Variants in ITIH5 observed in about 807,000 individuals in gnomAD.
The protein encoded by ITIH5 is inter-alpha-trypsin inhibitor heavy chain H5.
A neutral mutation model predicts 77.5 loss-of-function variants in ITIH5; 65 were observed. The observed-to-expected ratio is 0.84, with a 90% confidence interval of 0.69 to 1.03. The LOEUF (loss-of-function observed/expected upper bound fraction) is 1.03. Among genes scored for constraint, ITIH5 ranks in the 50% least tolerant of loss-of-function variants. The pLI is 0.00. For missense variants in ITIH5, 1,208 were observed against 1,213.1 expected, an observed-to-expected ratio of 1.00 and a Z score of 0.06; for synonymous variants, 525 against 494.3, an observed-to-expected ratio of 1.06 and a Z score of -0.82.
At chr10:7,658,626 T>C (rs1331044988) in intron 1 of ITIH5, among the ~76,000 whole-genome samples, 1 of 152,174 alleles carries the variant, frequency 6.6e-6, no homozygotes, top group African/African-American at 2.4e-5. Flanking sequence ...ATGTAAGACA[T>C]ACATTGGTTC....
At chr10:7,624,592 C>A (rs1433273810) in intron 5 of ITIH5, among the ~76,000 whole-genome samples, 1 of 151,144 alleles carries the variant, frequency 6.6e-6, no homozygotes, top group African/African-American at 2.4e-5. Flanking sequence ...CCAAGGGGGG[C>A]AGATCACCTG....
chr10:7,654,633 CCTT>C (rs1322483778), intron 2 of ITIH5, among the ~76,000 whole-genome samples: 1 of 152,240 alleles, frequency 6.6e-6, no homozygotes, highest in Non-Finnish European at 1.5e-5. Flanking sequence ...ATGTCTATCA[CCTT>C]CTGGGAACCA....
At position 7,576,634 on chromosome 10, in the gene ITIH5, C is replaced by T; in HGVS notation, c.1797G>A (p.Glu599=). The change falls in exon 10 of 14, where the codon GAG becomes GAA. Residue 599 remains glutamate (E), a synonymous_variant. Transcript: ENST00000397146. ...GGGCCTGGGCCCGCTGCCGCAGCCG[C>T]TCCTTCTCCGGTTCATCGTCACTTT... ...WLQSDDEPEK[E]RLRQRAQALA... 1.2e-6 allele frequency: 2 copies of T among 1,614,220 alleles called. No homozygotes were observed. The highest frequency in any genetic ancestry group is 1.7e-6 in the Non-Finnish European group (2 of 1,180,046).
At chr10:7,563,742 G>A (rs1832085579) in intron 13 of ITIH5, among the ~76,000 whole-genome samples, 1 of 152,230 alleles carries the variant, frequency 6.6e-6, no homozygotes, top group South Asian at 2.1e-4. Flanking sequence ...CCCAGTCACA[G>A]GCCCGCCTCC....
Position 7,657,032 on chromosome 10 carries a change from G to A in ITIH5, c.91-1357C>T, listed in dbSNP as rs555439837. Among the ~76,000 whole-genome samples the A allele has an allele frequency of 6.6e-5, 9 of 136,894 alleles. No homozygotes were observed. The East Asian group carries it at 2.0e-3, about 30-fold the overall frequency. The allele number at this position is 136,894 out of a possible 152,430, so 89.8% of individuals were successfully genotyped here. A position where few individuals can be genotyped will look rare whatever the true frequency, so the allele number is the denominator to read the frequency against. ...GCTGGGATTACAGGCGTGAGCCACC[G>A]CGTTCGGCCTTTTTTTTTTTTTTTT... On this transcript the variant is annotated intron_variant, in intron 1 of 13. Transcript: ENST00000397146.
At chr10:7,619,910 C>T (rs540450584) in intron 5 of ITIH5, 3 of 152,878 alleles carry the variant, frequency 2.0e-5, no homozygotes, top group African/African-American at 7.2e-5. Flanking sequence ...GGCCCGGTGG[C>T]TCACGCCTGT....
In ITIH5 at chr10:7,617,118, T is replaced by G. The variant is rs1340382699; in HGVS notation, c.817A>C (p.Ile273Leu). ...AGCAACGACGATCCTATTACCTGGA[T>G]GTCCCCAATGCTCTGTTCTCTATTG... ...DVNREQSIGD[I>L]QVLNGYFVHY... Residue 273 changes from isoleucine (I) to leucine (L), a missense_variant, in exon 6 of 14, where the codon ATC (isoleucine) becomes CTC (leucine). By Grantham distance (5) the Ile-to-Leu change is conservative. Coordinates refer to ENST00000397146, the MANE Select transcript of ITIH5 (RefSeq NM_030569.7). 6.5e-7 allele frequency: 1 copy of G among 1,540,126 alleles called. No individual in the cohort carries two copies. Among genetic ancestry groups the G allele is most frequent in the African/African-American group, 1.4e-5 (1 of 71,026 alleles).
chr10:7,609,765 G>A (rs1833204217), intron 7 of ITIH5, among the ~76,000 whole-genome samples: 1 of 152,174 alleles, frequency 6.6e-6, no homozygotes, highest in Admixed American at 6.5e-5. Flanking sequence ...CAGGTTTGAA[G>A]ACCATTAAAG....
chr10:7,653,015 G>A (rs1014617084), intron 2 of ITIH5, among the ~76,000 whole-genome samples: 1 of 152,082 alleles, frequency 6.6e-6, no homozygotes, highest in African/African-American at 2.4e-5. Context: ...TTCCAAATTC[G>A]TACATAGGCA....
intron 7 of ITIH5, among the ~76,000 whole-genome samples, chr10:7,604,720 C>A (rs187813817): frequency 4.1e-4 from 62 of 152,320 alleles, no homozygotes; most frequent in African/African-American, 1.5e-3. Flanking sequence ...CTTCAAGAAC[C>A]AGTTCCTTTT....
chr10:7,661,589 G>A (rs548732505), intron 1 of ITIH5, among the ~76,000 whole-genome samples: 8 of 152,294 alleles, frequency 5.3e-5, no homozygotes, highest in African/African-American at 1.7e-4. Flanking sequence ...TAATGTTGCT[G>A]CAAGTTTGTT....
At chr10:7,569,603 A>G (rs1832255988) in intron 12 of ITIH5, 65 bp downstream of exon 12, 1 of 1,008,576 alleles carries the variant, frequency 9.9e-7, no homozygotes, top group Admixed American at 2.4e-5. Context: ...CCATCTGAAG[A>G]ACAGAGGGGG....
At chr10:7,665,550 G>A (rs923154103) in intron 1 of ITIH5, among the ~76,000 whole-genome samples, 8 of 152,214 alleles carry the variant, frequency 5.3e-5, no homozygotes, top group Admixed American at 1.3e-4. Flanking sequence ...CAAGAATCAA[G>A]TGGTCCCAGA....
intron 6 of ITIH5, 41 bp from the exon 7 acceptor site, chr10:7,616,139 G>A (rs1025949891): frequency 1.3e-5 from 16 of 1,189,024 alleles, no homozygotes; most frequent in African/African-American, 1.5e-5. Context: ...AGTACCTAGA[G>A]CGGGGAGCAA....
intron 2 of ITIH5, among the ~76,000 whole-genome samples, chr10:7,647,594 C>G (rs575509777): frequency 1.3e-5 from 2 of 151,800 alleles, no homozygotes; most frequent in African/African-American, 4.8e-5. Context: ...GAACACCTGT[C>G]TAGTCTCTGT....
Position 7,617,152 on chromosome 10 carries a change from T to C in ITIH5, c.783A>G (p.Arg261=). 1 of 1,603,088 alleles carries C rather than the reference T, an allele frequency of 6.2e-7. No homozygotes were observed. The highest frequency in any genetic ancestry group is 8.5e-7 in the Non-Finnish European group (1 of 1,176,478). Residue 261 remains arginine (R), a synonymous_variant, in exon 6 of 14, where the codon AGA becomes AGG. Transcript: ENST00000397146. The part of the protein sequence containing the change: ...QNGILGDFII[R]YDVNREQSIG... ...TGCTCTGTTCTCTATTGACGTCATA[T>C]CTAATGATAAAGTCTCCCAAAATTC...
At chr10:7,633,800 T>C (rs1249475916) in intron 5 of ITIH5, among the ~76,000 whole-genome samples, 1 of 152,020 alleles carries the variant, frequency 6.6e-6, no homozygotes, top group Non-Finnish European at 1.5e-5. Context: ...TGAAAATGGG[T>C]CCGTGGTGGC....
In ITIH5 at chr10:7,666,941, G is replaced by T; in HGVS notation, c.-49C>A. 6.8e-7 allele frequency: 1 copy of T among 1,474,042 alleles called. No individual in the cohort carries two copies. Among genetic ancestry groups the T allele is most frequent in the Non-Finnish European group, 9.2e-7 (1 of 1,084,452 alleles). 91.3% of individuals were successfully genotyped at this position (1,474,042 alleles called of 1,614,324 possible). On this transcript the variant is annotated 5_prime_UTR_variant, in exon 1 of 14. Transcript: ENST00000397146. ...TCGGGGACCCGGCGGGACACGCTTT[G>T]CAGCGCCCAGGGCTCCAGCCACTGC...
chr10:7,597,063 A>AAAAAAAAAT (rs750714870), intron 7 of ITIH5, among the ~76,000 whole-genome samples: 8 of 142,642 alleles, frequency 5.6e-5, no homozygotes, highest in Non-Finnish European at 1.1e-4. Context: ...AAAAAAAAAA[A>AAAAAAAAAT]ATTCCACCAA....
Sources: gnomAD v4.1 joint callset for allele counts (sites outside exome capture counted in the v4.1 genomes callset) on GRCh38, gnomAD v4.1.1 for gene constraint, MANE v1.5 for transcripts, NCBI Gene and HGNC (gene_info 2026-07-23, HGNC 2026-07-21) for gene names.